Variants in ANO10 observed in about 807,000 individuals in gnomAD.
The protein encoded by ANO10 is anoctamin 10.
Under a neutral mutation model 74.7 loss-of-function variants are expected in ANO10, and 77 were observed. That is an observed-to-expected ratio of 1.03 (90% CI 0.86 to 1.25). The LOEUF is 1.25. Ranked by LOEUF, ANO10 falls within the 50% of genes most tolerant of loss-of-function variation. The pLI is 0.00. For missense variants in ANO10, 721 were observed against 778.1 expected, an observed-to-expected ratio of 0.93 and a Z score of 0.87; for synonymous variants, 279 against 284.9, an observed-to-expected ratio of 0.98 and a Z score of 0.21.
intron 11 of ANO10, among the ~76,000 whole-genome samples, chr3:43,548,834 T>C (rs1041336467): frequency 4.6e-5 from 7 of 152,178 alleles, no homozygotes; most frequent in Non-Finnish European, 4.4e-5. Flanking sequence ...TTCCAAGATG[T>C]TACAGGGATC....
In ANO10 at chr3:43,525,243, G is replaced by A. The variant is rs142975315; in HGVS notation, c.1797+24477C>T. Among the ~76,000 whole-genome samples, 655 of 152,124 alleles carry A rather than the reference G, an allele frequency of 4.3e-3. 2 individuals carry two copies. The highest frequency in any genetic ancestry group is 0.014 in the African/African-American group (590 of 41,494). On this transcript the variant is annotated intron_variant, in intron 11 of 12. Transcript: ENST00000292246. ...CTTTCCTGCATCTTCATAGCTCTGGGACTCCATGGTCCCTGGGCAGGCTAT... is the reference window on the plus strand; with the variant it reads ...CTTTCCTGCATCTTCATAGCTCTGGAACTCCATGGTCCCTGGGCAGGCTAT...
chr3:43,581,731 G>A (rs1356153419), intron 4 of ANO10, among the ~76,000 whole-genome samples: 1 of 151,852 alleles, frequency 6.6e-6, no homozygotes, highest in Non-Finnish European at 1.5e-5. Flanking sequence ...ACCAGCCCAG[G>A]TACCATCACA....
chr3:43,575,999 C>T (rs1033484334), intron 6 of ANO10, among the ~76,000 whole-genome samples: 1 of 152,112 alleles, frequency 6.6e-6, no homozygotes, highest in Non-Finnish European at 1.5e-5. Flanking sequence ...AATAATATAG[C>T]GAATTTGTTC....
chr3:43,519,615 T>A (rs1473968495), intron 11 of ANO10, among the ~76,000 whole-genome samples: 1 of 152,138 alleles, frequency 6.6e-6, no homozygotes, highest in Non-Finnish European at 1.5e-5. Context: ...TATAAGGTAG[T>A]GTTCACTCAT....
At position 43,580,425 on chromosome 3, in the gene ANO10, G is replaced by A; in HGVS notation, c.520C>T (p.His174Tyr). 6.2e-7 allele frequency: 1 copy of A among 1,613,942 alleles called. No homozygotes were observed. The highest frequency in any genetic ancestry group is 8.5e-7 in the Non-Finnish European group (1 of 1,179,942). Reference protein sequence around the residue: ...SGIVIQVFPLHDSEALKKLED... With the variant: ...SGIVIQVFPLYDSEALKKLED... ...AGCTTCTTCAGGGCTTCACTGTCAT[G>A]CAGTGGAAACACCTGAATCACGATG... The change falls in exon 5 of 13, where the codon CAT becomes TAT. Residue 174 changes from histidine to tyrosine, a missense_variant. Physicochemically the swap from His to Tyr is moderately conservative, Grantham distance 83. Transcript: ENST00000292246.
chr3:43,567,178 C>T (rs2080408419), intron 7 of ANO10, among the ~76,000 whole-genome samples: 1 of 152,036 alleles, frequency 6.6e-6, no homozygotes, highest in Admixed American at 6.6e-5. Flanking sequence ...AAATATGGGA[C>T]TATGTGAAAA....
chr3:43,413,209 G>A (rs2092691048), intron 12 of ANO10, among the ~76,000 whole-genome samples: 1 of 152,170 alleles, frequency 6.6e-6, no homozygotes. Flanking sequence ...AGGAGAGAAT[G>A]GAGAGAAGTT....
At chr3:43,651,218 T>C (rs2083782890) in intron 1 of ANO10, among the ~76,000 whole-genome samples, 2 of 152,166 alleles carry the variant, frequency 1.3e-5, no homozygotes, top group African/African-American at 4.8e-5. Context: ...AGTCTACAAA[T>C]AATTAATAAA....
intron 11 of ANO10, among the ~76,000 whole-genome samples, chr3:43,447,916 T>C (rs1261628072): frequency 6.6e-6 from 1 of 152,232 alleles, no homozygotes; most frequent in Non-Finnish European, 1.5e-5. Flanking sequence ...AAATGCATTG[T>C]TATGGCTTGA....
rs1399133206 is a variant in ANO10 at position 43,489,094 on chromosome 3, C to T, written c.1798-56367G>A. The stretch of plus-strand genomic sequence containing the variant: ...AACAAAAAACCAAACACCGCATATT[C>T]TCACGCATAGGTGGGAATTGAACAA... On this transcript the variant is annotated intron_variant, in intron 11 of 12. Transcript: ENST00000292246. 2.7e-5 allele frequency among the ~76,000 whole-genome samples: 4 copies of T among 148,722 alleles called. No individual in the cohort carries two copies. In the Admixed American group the frequency reaches 2.7e-4, roughly 10 times the overall value.
intron 11 of ANO10, among the ~76,000 whole-genome samples, chr3:43,533,183 G>A (rs941309160): frequency 2.0e-5 from 3 of 152,204 alleles, no homozygotes; most frequent in East Asian, 1.9e-4. Flanking sequence ...AAAGCTGACG[G>A]ATATGTAAGG....
rs144484545 is a variant in ANO10 at position 43,423,387 on chromosome 3, A to G, written c.1914+9224T>C. Among the ~76,000 whole-genome samples, 13 of 152,330 alleles carry G rather than the reference A, an allele frequency of 8.5e-5. No homozygotes were observed. The East Asian group carries it at 1.9e-3, about 23-fold the overall frequency. On this transcript the variant is annotated intron_variant, in intron 12 of 12. Transcript: ENST00000292246. ...TTAAGTGGATATTTATTCAGAGTCT[A>G]TTGGGCGCCAGGCCCTATGCTGGGT...
At chr3:43,589,489 C>A (rs186536545) in intron 4 of ANO10, among the ~76,000 whole-genome samples, 1 of 152,216 alleles carries the variant, frequency 6.6e-6, no homozygotes, top group Admixed American at 6.5e-5. Context: ...GAGTTCAAGA[C>A]CACCCTGGGC....
intron 11 of ANO10, among the ~76,000 whole-genome samples, chr3:43,547,889 T>G (rs1447323641): frequency 6.6e-6 from 1 of 152,168 alleles, no homozygotes; most frequent in Non-Finnish European, 1.5e-5. Flanking sequence ...AAAATCAAGA[T>G]GTAGACTGTA....
chr3:43,538,737 T>C (rs990333899), intron 11 of ANO10, among the ~76,000 whole-genome samples: 5 of 152,138 alleles, frequency 3.3e-5, no homozygotes, highest in Non-Finnish European at 7.3e-5. Flanking sequence ...CAGAGGGGGA[T>C]GCAGGATGGA....
At chr3:43,434,856 G>C (rs9824990) in intron 11 of ANO10, among the ~76,000 whole-genome samples, 81,199 of 152,024 alleles carry the variant, frequency 0.53, 22,508 homozygotes, top group East Asian at 0.83. Context: ...GTATTGATTA[G>C]ACAATATTAA....
intron 1 of ANO10, among the ~76,000 whole-genome samples, chr3:43,677,007 T>C (rs1342964055): frequency 6.6e-6 from 1 of 152,064 alleles, no homozygotes; most frequent in African/African-American, 2.4e-5. Context: ...GAAACTATGA[T>C]TTACGTTCTA....
At chr3:43,481,667 G>T (rs1301895193) in intron 11 of ANO10, among the ~76,000 whole-genome samples, 3 of 152,194 alleles carry the variant, frequency 2.0e-5, no homozygotes, top group Non-Finnish European at 2.9e-5. Flanking sequence ...GGCTTCATCT[G>T]CATGATAAAA....
chr3:43,555,561 CA>C, intron 9 of ANO10, 92 bp from the exon 10 acceptor site: 1 of 1,310,304 alleles, frequency 7.6e-7, no homozygotes, highest in Non-Finnish European at 1.1e-6. Context: ...TCTAACTATT[CA>C]AAAAAACCTC....
Sources: allele counts gnomAD v4.1 joint callset (sites outside exome capture counted in the v4.1 genomes callset), GRCh38; gene constraint gnomAD v4.1.1; transcripts MANE v1.5; gene names NCBI Gene and HGNC (gene_info 2026-07-23, HGNC 2026-07-21).